The following RBFOX1 variants were observed in gnomAD, a reference collection of about 807,000 sequenced individuals.
RBFOX1 encodes RNA binding fox-1 homolog 1, also known as RNA binding protein fox-1 homolog 1.
RBFOX1 carries 8 observed loss-of-function variants against 57.7 expected under a neutral mutation model. That is an observed-to-expected ratio of 0.14 (90% CI 0.08 to 0.25). RBFOX1 has a LOEUF of 0.25. RBFOX1 is among the 10% of genes least tolerant of loss of function. The pLI, the probability that RBFOX1 is intolerant of heterozygous loss-of-function variation, is 1.00. For missense variants in RBFOX1, 611 were observed against 548.5 expected, an observed-to-expected ratio of 1.11 and a Z score of -1.14; for synonymous variants, 326 against 222.4, an observed-to-expected ratio of 1.47 and a Z score of -4.15.
intron 3 of RBFOX1, among the ~76,000 whole-genome samples, chr16:5,624,985 G>T (rs761742329): frequency 1.6e-4 from 25 of 152,194 alleles, no homozygotes; most frequent in African/African-American, 6.0e-4. Flanking sequence ...GATTGAGGGT[G>T]ACTCTCGGGC....
intron 1 of RBFOX1, among the ~76,000 whole-genome samples, chr16:5,257,988 C>G (rs796439102): frequency 1.7e-4 from 26 of 152,232 alleles, no homozygotes; most frequent in African/African-American, 5.3e-4. Flanking sequence ...AGGTGATCCT[C>G]CCACCTCAGC....
At chr16:7,407,349 T>A (rs966165289) in intron 4 of RBFOX1, among the ~76,000 whole-genome samples, 39 of 149,170 alleles carry the variant, frequency 2.6e-4, no homozygotes, top group Non-Finnish European at 5.5e-4. Flanking sequence ...AAGCATAGAA[T>A]TTTGACTTCA....
intron 2 of RBFOX1, among the ~76,000 whole-genome samples, chr16:6,536,957 A>C (rs901813744): frequency 2.0e-5 from 3 of 152,284 alleles, no homozygotes; most frequent in African/African-American, 7.2e-5. Flanking sequence ...CTAATACTCT[A>C]CTAGTCTAAG....
intron 3 of RBFOX1, among the ~76,000 whole-genome samples, chr16:6,793,494 T>A (rs568279732): frequency 6.6e-6 from 1 of 152,294 alleles, no homozygotes; most frequent in Non-Finnish European, 1.5e-5. Flanking sequence ...TATTCCTGAG[T>A]GTTTTGACAT....
intron 10 of RBFOX1, among the ~76,000 whole-genome samples, chr16:7,608,074 A>G (rs898131517): frequency 2.0e-5 from 3 of 152,336 alleles, no homozygotes; most frequent in Admixed American, 2.0e-4. Flanking sequence ...ACAAGGCTGC[A>G]TTGAATACCT....
intron 4 of RBFOX1, among the ~76,000 whole-genome samples, chr16:7,349,099 A>T: frequency 6.6e-6 from 1 of 152,180 alleles, no homozygotes; most frequent in East Asian, 1.9e-4. Context: ...CATGACCACG[A>T]TGGAGGTGTG....
chr16:5,772,137 A>C (rs1203024498), intron 3 of RBFOX1, among the ~76,000 whole-genome samples: 2 of 152,138 alleles, frequency 1.3e-5, no homozygotes, highest in Non-Finnish European at 2.9e-5. Context: ...ACACCAGCAC[A>C]CTCCAGCCTG....
chr16:6,074,636 C>T (rs574462122), intron 1 of RBFOX1, among the ~76,000 whole-genome samples: 1 of 152,120 alleles, frequency 6.6e-6, no homozygotes, highest in African/African-American at 2.4e-5. Context: ...ACGCAACAAC[C>T]AAAAGTGGTG....
chr16:6,649,490 C>T (rs58319565), intron 2 of RBFOX1, among the ~76,000 whole-genome samples: 1,863 of 152,252 alleles, frequency 0.012, 40 homozygotes, highest in African/African-American at 0.042. Flanking sequence ...CCGTACCCAA[C>T]GTGTAATCTT....
chr16:5,289,269 G>A (rs1176770790), intron 1 of RBFOX1: 3 of 399,406 alleles, frequency 7.5e-6, no homozygotes, highest in Admixed American at 5.3e-5. Flanking sequence ...TCATCATTGG[G>A]CACCCAGGCA....
At chr16:6,767,627 A>G (rs1436075777) in intron 3 of RBFOX1, among the ~76,000 whole-genome samples, 2 of 152,000 alleles carry the variant, frequency 1.3e-5, no homozygotes, top group African/African-American at 4.8e-5. Context: ...CTAAGAAATT[A>G]TGGAGAGGCT....
chr16:6,195,847 A>G (rs2097176555), intron 1 of RBFOX1, among the ~76,000 whole-genome samples: 1 of 152,158 alleles, frequency 6.6e-6, no homozygotes, highest in South Asian at 2.1e-4. Context: ...AGAGCCTTCA[A>G]AGGGCCAGAT....
At chr16:7,524,602 T>G (rs1196921017) in intron 5 of RBFOX1, among the ~76,000 whole-genome samples, 1 of 152,192 alleles carries the variant, frequency 6.6e-6, no homozygotes. Flanking sequence ...TCCCACCACT[T>G]TCCCACTAGC....
intron 3 of RBFOX1, among the ~76,000 whole-genome samples, chr16:6,968,690 G>C (rs145922465): frequency 1.3e-5 from 2 of 152,092 alleles, no homozygotes; most frequent in Non-Finnish European, 2.9e-5. Flanking sequence ...GCCTCCCATC[G>C]AGTACACATA....
chr16:7,044,569 T>G (rs2047259483), intron 3 of RBFOX1, among the ~76,000 whole-genome samples: 1 of 152,214 alleles, frequency 6.6e-6, no homozygotes, highest in Non-Finnish European at 1.5e-5. Context: ...TCATAAGTGC[T>G]TACTTGGCAG....
chr16:7,233,998 C>G (rs1411698065), intron 4 of RBFOX1, among the ~76,000 whole-genome samples: 1 of 152,158 alleles, frequency 6.6e-6, no homozygotes, highest in Non-Finnish European at 1.5e-5. Context: ...TATTTTGATA[C>G]TTTTCATTTT....
intron 3 of RBFOX1, among the ~76,000 whole-genome samples, chr16:6,708,762 G>T (rs989267442): frequency 2.6e-5 from 4 of 152,144 alleles, no homozygotes; most frequent in African/African-American, 9.7e-5. Context: ...CCTTCGACTG[G>T]CTGTGGGGAA....
At chr16:7,670,109 G>A (rs1426727267) in intron 13 of RBFOX1, among the ~76,000 whole-genome samples, 1 of 152,126 alleles carries the variant, frequency 6.6e-6, no homozygotes, top group Non-Finnish European at 1.5e-5. Context: ...TCAGCTCACT[G>A]CAACCTCTGC....
intron 1 of RBFOX1, among the ~76,000 whole-genome samples, chr16:5,420,137 G>C (rs904282274): frequency 6.6e-6 from 1 of 152,188 alleles, no homozygotes; most frequent in Non-Finnish European, 1.5e-5. Context: ...TGACGGGAAA[G>C]TAATATACTG....
Sources: allele counts gnomAD v4.1 joint callset (sites outside exome capture counted in the v4.1 genomes callset), GRCh38; gene constraint gnomAD v4.1.1; transcripts MANE v1.5; gene names NCBI Gene and HGNC (gene_info 2026-07-23, HGNC 2026-07-21).